The following SCN2A variants were observed in gnomAD, a reference collection of about 807,000 sequenced individuals.
The protein encoded by SCN2A is sodium channel protein type 2 subunit alpha.
Under a neutral mutation model 188.7 loss-of-function variants are expected in SCN2A, and 20 were observed. That is an observed-to-expected ratio of 0.11 (90% CI 0.07 to 0.15). The LOEUF (loss-of-function observed/expected upper bound fraction) is 0.15. Ranked by LOEUF, SCN2A falls within the 10% of genes least tolerant of loss-of-function variation. The pLI is 1.00. For missense variants in SCN2A, 1,278 were observed against 2,445.0 expected, an observed-to-expected ratio of 0.52 and a Z score of 10.07; for synonymous variants, 804 against 833.1, an observed-to-expected ratio of 0.97 and a Z score of 0.60.
In SCN2A at chr2:165,389,590, A is replaced by T; in HGVS notation, c.5784A>T (p.Val1928=). Residue 1928 remains valine, a synonymous_variant, in exon 27 of 27, where the codon GTA becomes GTT. Coordinates refer to ENST00000375437, the MANE Select transcript of SCN2A (RefSeq NM_001040142.2). The surrounding 1 kb of genome is among the most constrained non-coding windows in gnomAD (Gnocchi z 4.2). ...TCTTGAAGCAAAAAGTTAAAAAGGTATCAAGTATATACAAGAAAGACAAAG... is the reference window on the plus strand; with the variant it reads ...TCTTGAAGCAAAAAGTTAAAAAGGTTTCAAGTATATACAAGAAAGACAAAG... ...RYLLKQKVKK[V]SSIYKKDKGK... 1 of 1,614,014 alleles carries T rather than the reference A, an allele frequency of 6.2e-7. No homozygotes were observed. The highest frequency in any genetic ancestry group is 8.5e-7 in the Non-Finnish European group (1 of 1,179,954).
At chr2:165,328,536 A>G (rs1698488451) in intron 13 of SCN2A, 2 of 984,272 alleles carry the variant, frequency 2.0e-6, no homozygotes, top group Non-Finnish European at 2.4e-6. Context: ...AGAAGGAGAC[A>G]GGGTAAGTCT....
At chr2:165,331,601 A>G in intron 14 of SCN2A, 33 bp downstream of exon 14, 4 of 1,518,740 alleles carry the variant, frequency 2.6e-6, no homozygotes, top group South Asian at 1.1e-5. Context: ...CTTCCTCTTG[A>G]AAGAGTTTAT....
chr2:165,291,379 C>T (rs991012491), intron 1 of SCN2A, among the ~76,000 whole-genome samples: 1 of 147,378 alleles, frequency 6.8e-6, no homozygotes, highest in African/African-American at 2.5e-5. Flanking sequence ...TTCCTTCCTT[C>T]CTTCCTTCCT....
Position 165,365,269 on chromosome 2 carries a change from C to T in SCN2A, c.3520+6C>T. On this transcript the variant is annotated splice_donor_region_variant and intron_variant, in intron 18 of 26. Coordinates refer to ENST00000375437, the MANE Select transcript of SCN2A (RefSeq NM_001040142.2). Reference sequence around the variant, plus strand: ...TGAAGCCTGTTTTACAGAAGGTAAGCAAAACAATAACATATGTGGTCTTGA... The same window carrying T: ...TGAAGCCTGTTTTACAGAAGGTAAGTAAAACAATAACATATGTGGTCTTGA... The T allele has an allele frequency of 6.2e-7, 1 of 1,613,494 alleles. No individual in the cohort carries two copies. The highest frequency in any genetic ancestry group is 1.1e-5 in the South Asian group (1 of 91,060).
chr2:165,387,034 T>C lies in SCN2A; in HGVS notation c.4822+18T>C. 6.2e-7 allele frequency: 1 copy of C among 1,611,722 alleles called. No individual in the cohort carries two copies. Among genetic ancestry groups the C allele is most frequent in the Non-Finnish European group, 8.5e-7 (1 of 1,178,094 alleles). The stretch of plus-strand genomic sequence containing the variant: ...CATTGTAGGTAAGAAGAGGTGCTTT[T>C]ATTCAGTTAAGGAATATAGTGGTAA... On this transcript the variant is annotated intron_variant, in intron 26 of 26. Coordinates refer to ENST00000375437, the MANE Select transcript of SCN2A (RefSeq NM_001040142.2).
At position 165,288,278 on chromosome 2, in the gene SCN2A, G is replaced by A. The variant is rs75918377; in HGVS notation, c.-51-7495G>A. ...TGATTAACAATGCCAAAAAATGCAA[G>A]TAAATAGCCATTGTTCAAATGACAG... On this transcript the variant is annotated intron_variant, in intron 1 of 26. Transcript: ENST00000375437. Among the ~76,000 whole-genome samples, 52 of 152,268 alleles carry A rather than the reference G, an allele frequency of 3.4e-4. No individual in the cohort carries two copies. The East Asian group carries it at 9.6e-3, about 28-fold the overall frequency.
At chr2:165,284,070 T>A (rs112822019) in intron 1 of SCN2A, among the ~76,000 whole-genome samples, 2 of 152,100 alleles carry the variant, frequency 1.3e-5, no homozygotes, top group African/African-American at 2.4e-5. Context: ...TCTCTCTCTC[T>A]CTCTGTCTGT....
chr2:165,247,250 T>C (rs951346919), intron 1 of SCN2A, among the ~76,000 whole-genome samples: 1 of 152,252 alleles, frequency 6.6e-6, no homozygotes, highest in African/African-American at 2.4e-5. Flanking sequence ...TTATTGCTCT[T>C]GTATTTGAAT....
At chr2:165,300,288 T>C (rs575558462) in intron 3 of SCN2A, among the ~76,000 whole-genome samples, 5 of 152,300 alleles carry the variant, frequency 3.3e-5, no homozygotes, top group East Asian at 3.9e-4. Flanking sequence ...GTATCTACCA[T>C]GTGGTAGATA....
At chr2:165,257,566 T>A (rs992645746) in intron 1 of SCN2A, among the ~76,000 whole-genome samples, 5 of 152,070 alleles carry the variant, frequency 3.3e-5, no homozygotes, top group Non-Finnish European at 7.4e-5. Context: ...TGAGACGGAG[T>A]CTTGCTCTGT....
intron 1 of SCN2A, chr2:165,293,864 T>C: frequency 1.0e-6 from 1 of 985,060 alleles, no homozygotes; most frequent in Non-Finnish European, 1.2e-6. Context: ...GTGTACGCTG[T>C]GAAGGTGTTT....
chr2:165,357,623 T>C (rs1027154546), intron 17 of SCN2A, among the ~76,000 whole-genome samples: 1 of 152,202 alleles, frequency 6.6e-6, no homozygotes, highest in Admixed American at 6.5e-5. Flanking sequence ...TCGATTATAT[T>C]AATGTAATTC....
Position 165,326,814 on chromosome 2 carries a change from A to G in SCN2A, c.2017-38A>G, listed in dbSNP as rs79920892. ...GAATGCTTTGGGCTTTGCTGCTTTC[A>G]AAAATAGTGGTTATTTCATCTGAAA... On this transcript the variant is annotated intron_variant, in intron 12 of 26. Transcript: ENST00000375437. 5.8e-3 allele frequency: 9,304 copies of G among 1,612,738 alleles called. 380 individuals carry two copies. The East Asian group carries it at 0.1, about 18-fold the overall frequency.
At chr2:165,279,194 G>A (rs1695479527) in intron 1 of SCN2A, among the ~76,000 whole-genome samples, 1 of 152,158 alleles carries the variant, frequency 6.6e-6, no homozygotes, top group African/African-American at 2.4e-5. Flanking sequence ...TTATCTAGGA[G>A]GTGTCCCAAG....
intron 11 of SCN2A, among the ~76,000 whole-genome samples, chr2:165,316,089 A>G (rs1398755073): frequency 6.6e-6 from 1 of 152,166 alleles, no homozygotes; most frequent in Non-Finnish European, 1.5e-5. Flanking sequence ...GCGTGGATCT[A>G]GTGAACTTTG....
chr2:165,386,204 G>A (rs755296652), intron 25 of SCN2A, among the ~76,000 whole-genome samples: 5 of 152,000 alleles, frequency 3.3e-5, no homozygotes, highest in African/African-American at 1.2e-4. Context: ...GGTGGCTCAT[G>A]CCTGTAATTC....
At chr2:165,316,897 T>C (rs1484054843) in intron 11 of SCN2A, among the ~76,000 whole-genome samples, 2 of 152,014 alleles carry the variant, frequency 1.3e-5, no homozygotes, top group African/African-American at 4.8e-5. Context: ...GATCTTTGAG[T>C]GTCTTGTTCA....
At chr2:165,335,232 A>G (rs1269835175) in intron 14 of SCN2A, among the ~76,000 whole-genome samples, 3 of 151,664 alleles carry the variant, frequency 2.0e-5, no homozygotes, top group Non-Finnish European at 4.4e-5. Context: ...CCAGCTACCT[A>G]TTTTGCAGAA....
At chr2:165,245,984 T>G (rs1693827819) in intron 1 of SCN2A, among the ~76,000 whole-genome samples, 1 of 152,204 alleles carries the variant, frequency 6.6e-6, no homozygotes, top group Admixed American at 6.5e-5. Context: ...TCCTTAGTTA[T>G]ATCACCAGGA....
Sources: gnomAD v4.1 joint callset for allele counts (sites outside exome capture counted in the v4.1 genomes callset) on GRCh38, gnomAD v4.1.1 for gene constraint, Gnocchi (gnomAD v3.1) non-coding constraint, MANE v1.5 for transcripts, NCBI Gene and HGNC (gene_info 2026-07-23, HGNC 2026-07-21) for gene names.